SPTAN1: variants seen among roughly 807,000 people sequenced by gnomAD.
SPTAN1 encodes spectrin alpha chain, non-erythrocytic 1.
In SPTAN1, 61 loss-of-function variants were observed where a neutral mutation model predicts 331.3. The observed-to-expected ratio is 0.18, with a 90% CI of 0.15 to 0.23. The LOEUF (loss-of-function observed/expected upper bound fraction) is 0.23. SPTAN1 is among the 10% of genes least tolerant of loss of function. The pLI is 1.00. For missense variants in SPTAN1, 2,043 were observed against 3,147.9 expected (o/e 0.65, Z 8.40); for synonymous variants, 1,153 against 1,173.9 (o/e 0.98, Z 0.36).
At position 128,608,172 on chromosome 9, in the gene SPTAN1, G is replaced by T; in HGVS notation, c.4387G>T (p.Ala1463Ser). Reference sequence around the variant, plus strand: ...TGAGCAAGCTGAGAACTGGATGGCTGCCCGGGAGGCCTTCTTGAATACCGA... The same window carrying T: ...TGAGCAAGCTGAGAACTGGATGGCTTCCCGGGAGGCCTTCTTGAATACCGA... ...DCEQAENWMA[A>S]REAFLNTEDK... is the part of the protein sequence containing the mutation. The change falls in exon 34 of 57, where the codon GCC becomes TCC. Residue 1463 changes from alanine (A) to serine (S), a missense_variant. This residue lies in a region of SPTAN1 where 179 missense variants were observed against 215.7 expected (regional missense o/e 0.83). Transcript: ENST00000372739. The T allele has an allele frequency of 6.2e-7, 1 of 1,614,154 alleles. No homozygotes were observed. The highest frequency in any genetic ancestry group is 8.5e-7 in the Non-Finnish European group (1 of 1,180,042).
chr9:128,567,710 A>T (rs905626463), intron 2 of SPTAN1, among the ~76,000 whole-genome samples: 1 of 152,190 alleles, frequency 6.6e-6, no homozygotes, highest in Non-Finnish European at 1.5e-5. Context: ...AGACTTGGTA[A>T]ATCTTATCAA....
intron 27 of SPTAN1, among the ~76,000 whole-genome samples, chr9:128,602,580 T>C (rs1440448441): frequency 1.3e-5 from 2 of 152,044 alleles, no homozygotes; most frequent in African/African-American, 4.8e-5. Context: ...TTCTTTCCAA[T>C]GAATTGGGTG....
At position 128,584,470 on chromosome 9, in the gene SPTAN1, G is replaced by A. The variant is rs1431996384; in HGVS notation, c.2382G>A (p.Glu794=). 5.6e-6 allele frequency: 9 copies of A among 1,614,158 alleles called. No homozygotes were observed. The highest frequency in any genetic ancestry group is 1.7e-5 in the Admixed American group (1 of 60,016). ...LRLQQLFRDV[E]DEETWIREKE... ...TGCAGCAGCTCTTCCGGGATGTTGA[G>A]GATGAGGAGACGTGGATTCGAGAGA... Residue 794 remains glutamate, a synonymous_variant, in exon 17 of 57, where the codon GAG becomes GAA. Transcript: ENST00000372739.
intron 26 of SPTAN1, chr9:128,599,845 C>T: frequency 1.7e-6 from 1 of 581,144 alleles, no homozygotes; most frequent in East Asian, 2.9e-5. Flanking sequence ...CTCTCCATTT[C>T]TTCTACTGGA....
intron 27 of SPTAN1, 26 bp downstream of exon 27, chr9:128,600,141 T>C (rs1316075027): frequency 1.9e-6 from 3 of 1,612,328 alleles, no homozygotes; most frequent in Non-Finnish European, 2.5e-6. Flanking sequence ...CAAATTATTG[T>C]TTTCAAGAGT....
chr9:128,600,396 C>T (rs1854954196), intron 27 of SPTAN1, among the ~76,000 whole-genome samples: 1 of 152,116 alleles, frequency 6.6e-6, no homozygotes, highest in Non-Finnish European at 1.5e-5. Flanking sequence ...CAGGGTCCCA[C>T]CAGTAAGAGG....
At chr9:128,615,911 T>A (rs1252020454) in intron 41 of SPTAN1, 71 bp downstream of exon 41, 2 of 1,529,928 alleles carry the variant, frequency 1.3e-6, no homozygotes, top group Non-Finnish European at 1.8e-6. Flanking sequence ...ACAGGCTGAC[T>A]GTTGAGTGGT....
intron 18 of SPTAN1, 59 bp downstream of exon 18, chr9:128,584,902 C>G: frequency 6.2e-7 from 1 of 1,610,396 alleles, no homozygotes; most frequent in Non-Finnish European, 8.5e-7. Context: ...CCCCTTCTTG[C>G]CGAGGGCATG....
chr9:128,626,122 A>G (rs373596450), intron 48 of SPTAN1, 144 bp downstream of exon 48: 3 of 1,109,354 alleles, frequency 2.7e-6, no homozygotes, highest in Non-Finnish European at 3.9e-6. Context: ...GCTGGCATCA[A>G]TTAAAACCAG....
At chr9:128,570,283 C>T (rs1250017490) in intron 3 of SPTAN1, among the ~76,000 whole-genome samples, 2 of 146,650 alleles carry the variant, frequency 1.4e-5, no homozygotes, top group Middle Eastern at 3.3e-3. Flanking sequence ...CTATTAGTAC[C>T]CTCTGCCCTG....
rs1860156205 is a variant in SPTAN1 at position 128,633,402 on chromosome 9, G to C, written c.*68G>C. The C allele has an allele frequency of 1.2e-6, 2 of 1,609,040 alleles. No individual in the cohort carries two copies. Among genetic ancestry groups the C allele is most frequent in the South Asian group, 1.1e-5 (1 of 91,022 alleles). On this transcript the variant is annotated 3_prime_UTR_variant, in exon 57 of 57. Coordinates refer to ENST00000372739, the MANE Select transcript of SPTAN1 (RefSeq NM_001130438.3). ...CGCCTTGCTGCATGTCCGCTCCTCT[G>C]TGTGCTCTCACTTTCCACTGTAACC...
At chr9:128,602,813 T>C (rs1855350318) in intron 27 of SPTAN1, among the ~76,000 whole-genome samples, 1 of 151,806 alleles carries the variant, frequency 6.6e-6, no homozygotes, top group Middle Eastern at 3.2e-3. Context: ...TTTTTGTATT[T>C]TTAGTGGAGA....
Position 128,618,070 on chromosome 9 carries a change from G to A in SPTAN1, c.5562G>A (p.Val1854=), listed in dbSNP as rs758453647. 10 of 1,613,984 alleles carry A rather than the reference G, an allele frequency of 6.2e-6. No individual in the cohort carries two copies. Among genetic ancestry groups the A allele is most frequent in the Non-Finnish European group, 8.5e-6 (10 of 1,179,998 alleles). The part of the protein sequence containing the change: ...EEIQQRLAQF[V]EHWKELKQLA... ...TCCAGCAGCGGCTGGCGCAGTTTGT[G>A]GAGCACTGGAAAGAGCTGAAGCAGC... The change falls in exon 43 of 57, where the codon GTG becomes GTA. Residue 1854 remains valine, a synonymous_variant. Transcript: ENST00000372739.
Position 128,591,523 on chromosome 9 carries a change from C to T in SPTAN1, c.3053C>T (p.Ala1018Val). The change falls in exon 22 of 57, where the codon GCT (alanine) becomes GTT (valine). Residue 1018 changes from alanine (A) to valine (V), a missense_variant. By Grantham distance (64) the Ala-to-Val change is moderately conservative (BLOSUM62 0). Around this residue, in one of 12 missense-constraint regions of SPTAN1, gnomAD observed 1,038 missense variants for 1,531.5 expected, o/e 0.68. Coordinates refer to ENST00000372739, the MANE Select transcript of SPTAN1 (RefSeq NM_001130438.3). Reference sequence around the variant, plus strand: ...AACGATCGTCAGGGTTTTGTGCCGGCTGCGTACGTGAAGAAATTGGACCCC... The same window carrying T: ...AACGATCGTCAGGGTTTTGTGCCGGTTGCGTACGTGAAGAAATTGGACCCC... ...EVNDRQGFVP[A>V]AYVKKLDPAQ... 1.9e-6 allele frequency: 3 copies of T among 1,614,150 alleles called. No individual in the cohort carries two copies. Among genetic ancestry groups the T allele is most frequent in the Middle Eastern group, 1.6e-4 (1 of 6,062 alleles).
chr9:128,632,514 G>A, intron 54 of SPTAN1, 30 bp downstream of exon 54: 2 of 1,614,164 alleles, frequency 1.2e-6, no homozygotes, highest in Non-Finnish European at 8.5e-7. Flanking sequence ...CCCTGGCTGG[G>A]TGGGGGGTGT....
In SPTAN1 at chr9:128,568,706, A is replaced by G. The variant is rs80173027; in HGVS notation, c.238-66A>G. The G allele has an allele frequency of 2.0e-3, 3,282 of 1,606,660 alleles. 76 individuals carry two copies. The East Asian group carries it at 0.043, about 21-fold the overall frequency. On this transcript the variant is annotated intron_variant, in intron 2 of 56. Transcript: ENST00000372739. ...ATTGAGGAGGGGAGGAACACGGGGA[A>G]CAGCGGGGACAAAATGCTGATGCTG... is the stretch of plus-strand genomic sequence containing the variant.
In SPTAN1 at chr9:128,582,729, C is replaced by T; in HGVS notation, c.1686C>T (p.Ala562=). 1 of 1,613,966 alleles carries T rather than the reference C, an allele frequency of 6.2e-7. No individual in the cohort carries two copies. The highest frequency in any genetic ancestry group is 8.5e-7 in the Non-Finnish European group (1 of 1,180,036). ...GCCGCAATGCCCTTCACGAGAGAGCCATGCGTCGCCGGGCCCAGCTAGCCG... is the reference window on the plus strand; with the variant it reads ...GCCGCAATGCCCTTCACGAGAGAGCTATGCGTCGCCGGGCCCAGCTAGCCG... ...LSRRNALHER[A]MRRRAQLADS... is the part of the protein sequence containing the mutation. Residue 562 remains alanine (A), a synonymous_variant, in exon 14 of 57, where the codon GCC becomes GCT. Coordinates refer to ENST00000372739, the MANE Select transcript of SPTAN1 (RefSeq NM_001130438.3).
In SPTAN1 at chr9:128,588,993, G is replaced by A. The variant is rs201336861; in HGVS notation, c.3006+50G>A. The A allele has an allele frequency of 4.1e-5, 66 of 1,606,756 alleles. No homozygotes were observed. The African/African-American group carries it at 6.0e-4, about 15-fold the overall frequency. On this transcript the variant is annotated intron_variant, in intron 21 of 56. Coordinates refer to ENST00000372739, the MANE Select transcript of SPTAN1 (RefSeq NM_001130438.3). ...GTTTGTTCCACGCTGGCACCTCCAC[G>A]TATGCTCAGTTGGGTTTCTGTGGGT...
At chr9:128,588,668 A>T in intron 20 of SPTAN1, 141 bp from the exon 21 acceptor site, 1 of 1,241,938 alleles carries the variant, frequency 8.1e-7, no homozygotes, top group Non-Finnish European at 1.2e-6. Flanking sequence ...ATCAGATTTT[A>T]TTGGTAGCTT....
Sources: gnomAD v4.1 joint callset for allele counts (sites outside exome capture counted in the v4.1 genomes callset) on GRCh38, gnomAD v4.1.1 for gene constraint, gnomAD v4.1.1 regional missense constraint, MANE v1.5 for transcripts, NCBI Gene and HGNC (gene_info 2026-07-23, HGNC 2026-07-21) for gene names.